The following TBCD variants were observed in gnomAD, a reference collection of about 807,000 sequenced individuals.
The protein encoded by TBCD is tubulin-specific chaperone D.
TBCD carries 105 observed loss-of-function variants against 169.3 expected under a neutral mutation model. That is an observed-to-expected ratio of 0.62 (90% CI 0.53 to 0.73). TBCD has a LOEUF of 0.73. Ranked by LOEUF, TBCD falls within the 30% of genes least tolerant of loss-of-function variation. TBCD has a pLI of 0.00. For synonymous variants in TBCD, 700 were observed against 643.9 expected (o/e 1.09, Z -1.32); for missense variants, 1,444 against 1,600.1 (o/e 0.90, Z 1.66).
rs146442409 is a variant in TBCD, at chr17:82,822,323, A to C, written c.1318+7389A>C. On this transcript the variant is annotated intron_variant, in intron 13 of 38. Transcript: ENST00000355528. ...TTTCAGAGAATGGATAAAGTCGTTA[A>C]GAAAATACAAAAGGGCGGTGAGATC... Among the ~76,000 whole-genome samples the C allele has an allele frequency of 4.2e-4, 64 of 152,364 alleles. No homozygotes were observed. The East Asian group carries it at 0.012, about 29-fold the overall frequency.
chr17:82,783,307 T>G (rs1393293716), intron 7 of TBCD, among the ~76,000 whole-genome samples: 2 of 152,190 alleles, frequency 1.3e-5, no homozygotes, highest in Non-Finnish European at 2.9e-5. Context: ...TGATGTCTGT[T>G]TTCTTCAGGC....
chr17:82,883,110 C>T (rs2058481965), intron 14 of TBCD, among the ~76,000 whole-genome samples: 1 of 152,252 alleles, frequency 6.6e-6, no homozygotes, highest in East Asian at 1.9e-4. Context: ...CACCATTGTC[C>T]CCCGTGCATG....
intron 13 of TBCD, among the ~76,000 whole-genome samples, chr17:82,827,841 CCACA>C (rs1207762825): frequency 8.0e-6 from 1 of 124,284 alleles, no homozygotes; most frequent in African/African-American, 3.1e-5. Context: ...CTTTGCACAC[CCACA>C]CAATTGAATG....
At chr17:82,838,044 C>G (rs2054134635) in intron 13 of TBCD, among the ~76,000 whole-genome samples, 1 of 152,248 alleles carries the variant, frequency 6.6e-6, no homozygotes, top group Non-Finnish European at 1.5e-5. Context: ...AGCCGATGCA[C>G]TTGGCTTCTG....
chr17:82,891,054 G>A (rs995077334), intron 16 of TBCD, among the ~76,000 whole-genome samples: 4 of 152,212 alleles, frequency 2.6e-5, no homozygotes, highest in African/African-American at 7.2e-5. Context: ...GCCAGAGCCC[G>A]GGGTGACGAC....
In TBCD at chr17:82,927,909, C is replaced by T. The variant is rs972563450; in HGVS notation, c.2614C>T (p.Arg872Cys). Residue 872 changes from arginine to cysteine, a missense_variant, in exon 30 of 39, where the codon CGC (arginine) becomes TGC (cysteine). By Grantham distance (180) the Arg-to-Cys change is radical. Transcript: ENST00000355528. ...TGCCTCTCCTTGTCCCATCAGGGTC[C>T]GCAAGGCCGCCATGACCAGTCTGAT... Reference protein sequence around the residue: ...DSRGDVGTWVRKAAMTSLMDL... With the variant: ...DSRGDVGTWVCKAAMTSLMDL... 13 of 1,613,292 alleles carry T rather than the reference C, an allele frequency of 8.1e-6. No individual in the cohort carries two copies. The highest frequency in any genetic ancestry group is 1.6e-4 in the Middle Eastern group (1 of 6,078).
At chr17:82,865,547 C>A in intron 13 of TBCD, 1 of 985,458 alleles carries the variant, frequency 1.0e-6, no homozygotes, top group South Asian at 4.7e-5. Context: ...CGGGGGTACT[C>A]GGCTGCACTG....
At chr17:82,900,112 C>T (rs1409284399) in intron 17 of TBCD, among the ~76,000 whole-genome samples, 2 of 152,202 alleles carry the variant, frequency 1.3e-5, no homozygotes, top group Non-Finnish European at 2.9e-5. Flanking sequence ...AACCAGAGCG[C>T]ACAGCTTCCT....
At chr17:82,758,617 G>A (rs2047570085) in intron 2 of TBCD, among the ~76,000 whole-genome samples, 1 of 128,054 alleles carries the variant, frequency 7.8e-6, no homozygotes, top group Non-Finnish European at 1.7e-5. Context: ...CTGGTCCTTT[G>A]TCATTTGTTG....
rs1434929649 is a variant in TBCD at position 82,942,549 on chromosome 17, T to C, written c.*86T>C. ...GGCCGGTGTGGAAAGCCTCGCACAG[T>C]GGTGCCTCCAGCTGTTGAAGGGTAG... On this transcript the variant is annotated 3_prime_UTR_variant, in exon 39 of 39. Coordinates refer to ENST00000355528, the MANE Select transcript of TBCD (RefSeq NM_005993.5). The C allele has an allele frequency of 6.3e-7, 1 of 1,584,934 alleles. No individual in the cohort carries two copies. Among genetic ancestry groups the C allele is most frequent in the Admixed American group, 1.7e-5 (1 of 59,236 alleles).
intron 9 of TBCD, 88 bp from the exon 10 acceptor site, chr17:82,805,787 A>G: frequency 6.8e-7 from 1 of 1,469,222 alleles, no homozygotes; most frequent in East Asian, 2.3e-5. Flanking sequence ...GCACGCTTTA[A>G]GATTCAAAGT....
In TBCD at chr17:82,923,046, C is replaced by T. The variant is rs1291736866; in HGVS notation, c.2179-606C>T. 2.6e-5 allele frequency among the ~76,000 whole-genome samples: 4 copies of T among 152,196 alleles called. No individual in the cohort carries two copies. Among genetic ancestry groups the T allele is most frequent in the East Asian group, 1.9e-4 (1 of 5,188 alleles). ...GGGTTCCCGGGGGTCTCCTGCTGTCCGGCCCCAACTCCTGTTCCCAGTGCG... is the reference window on the plus strand; with the variant it reads ...GGGTTCCCGGGGGTCTCCTGCTGTCTGGCCCCAACTCCTGTTCCCAGTGCG... On this transcript the variant is annotated intron_variant, in intron 25 of 38. Coordinates refer to ENST00000355528, the MANE Select transcript of TBCD (RefSeq NM_005993.5). The surrounding 1 kb of genome is among the most constrained non-coding windows in gnomAD (Gnocchi z 4.6).
chr17:82,942,191 G>A (rs781659580), intron 38 of TBCD: 436 of 551,022 alleles, frequency 7.9e-4, no homozygotes, highest in Non-Finnish European at 8.0e-4. Context: ...AATTTCAAAC[G>A]TGTGAATGCA....
chr17:82,780,127 C>A (rs1042716085), intron 6 of TBCD, among the ~76,000 whole-genome samples: 1 of 152,216 alleles, frequency 6.6e-6, no homozygotes, highest in Non-Finnish European at 1.5e-5. Flanking sequence ...CTGCTTCGAC[C>A]ATGTTGCCTT....
In TBCD at chr17:82,797,779, A is replaced by G. The variant is rs747824288; in HGVS notation, c.794A>G (p.Lys265Arg). 9 of 1,579,340 alleles carry G rather than the reference A, an allele frequency of 5.7e-6. No homozygotes were observed. The highest frequency in any genetic ancestry group is 2.2e-5 in the East Asian group (1 of 44,628). Residue 265 changes from lysine to arginine, a missense_variant, in exon 8 of 39, where the codon AAA (lysine) becomes AGA (arginine). Coordinates refer to ENST00000355528, the MANE Select transcript of TBCD (RefSeq NM_005993.5). ...TAGGCACAAATATTTAAACATGGAA[A>G]ACGTGAAGACTGTTTGCCCTATGGT... ...QALAQIFKHG[K>R]REDCLPYAAT...
chr17:82,793,028 G>A (rs1008557436), intron 7 of TBCD, among the ~76,000 whole-genome samples: 1 of 152,092 alleles, frequency 6.6e-6, no homozygotes, highest in Non-Finnish European at 1.5e-5. Context: ...CTCCCAAAGC[G>A]CTCGGATTCT....
intron 13 of TBCD, among the ~76,000 whole-genome samples, chr17:82,826,138 A>C (rs531421932): frequency 5.9e-5 from 9 of 151,642 alleles, no homozygotes; most frequent in African/African-American, 2.2e-4. Flanking sequence ...AAAGAAAATA[A>C]CATAAACATA....
chr17:82,901,199 A>G (rs762199098), intron 18 of TBCD, among the ~76,000 whole-genome samples: 1 of 152,198 alleles, frequency 6.6e-6, no homozygotes, highest in Non-Finnish European at 1.5e-5. Context: ...AGGCAGTTAA[A>G]TGTGTCTCAG....
chr17:82,793,305 C>T (rs948877516), intron 7 of TBCD, among the ~76,000 whole-genome samples: 1 of 152,150 alleles, frequency 6.6e-6, no homozygotes, highest in Non-Finnish European at 1.5e-5. Flanking sequence ...CCTGTCCCCA[C>T]CAGTGCCCCC....
Sources: gnomAD v4.1 joint callset for allele counts (sites outside exome capture counted in the v4.1 genomes callset) on GRCh38, gnomAD v4.1.1 for gene constraint, Gnocchi (gnomAD v3.1) non-coding constraint, MANE v1.5 for transcripts, NCBI Gene and HGNC (gene_info 2026-07-23, HGNC 2026-07-21) for gene names.